Variants in TRIM66 observed in about 807,000 individuals in gnomAD.
The protein encoded by TRIM66 is tripartite motif containing 66.
TRIM66 carries 99 observed loss-of-function variants against 148.2 expected under a neutral mutation model. That is an observed-to-expected ratio of 0.67 (90% CI 0.57 to 0.79). The LOEUF (loss-of-function observed/expected upper bound fraction) is 0.79. Among genes scored for constraint, TRIM66 ranks in the 30% least tolerant of loss-of-function variants. The pLI is 0.00. For missense variants in TRIM66, 1,666 were observed against 1,697.9 expected (o/e 0.98, Z 0.33); for synonymous variants, 616 against 635.9 (o/e 0.97, Z 0.47).
intron 17 of TRIM66, among the ~76,000 whole-genome samples, 194 bp from the exon 18 acceptor site, chr11:8,623,070 C>T (rs2141861189): frequency 6.6e-6 from 1 of 152,300 alleles, no homozygotes; most frequent in Middle Eastern, 3.4e-3. Context: ...GGAGGAAGCC[C>T]ACCTTCTTTT....
At chr11:8,648,387 G>C (rs774571054) in intron 9 of TRIM66, 29 bp downstream of exon 9, 33 of 1,549,482 alleles carry the variant, frequency 2.1e-5, no homozygotes, top group Non-Finnish European at 2.0e-5. Flanking sequence ...GCCCTCCCCA[G>C]CCCATTTCAG....
intron 15 of TRIM66, among the ~76,000 whole-genome samples, chr11:8,635,420 T>C (rs1565503168): frequency 6.6e-6 from 1 of 152,320 alleles, no homozygotes; most frequent in Middle Eastern, 3.4e-3. Flanking sequence ...TTTGCTATCC[T>C]TGAGCTTCAC....
intron 10 of TRIM66, among the ~76,000 whole-genome samples, chr11:8,647,056 T>C (rs1374149588): frequency 6.9e-6 from 1 of 145,398 alleles, no homozygotes; most frequent in East Asian, 2.0e-4. Flanking sequence ...TAATAAACAA[T>C]AATAAACATA....
intron 1 of TRIM66, chr11:8,681,034 C>T (rs2039390594): frequency 6.6e-6 from 1 of 152,090 alleles, no homozygotes; most frequent in South Asian, 2.1e-4. Context: ...TGAGCTAGAC[C>T]GCAGTGAACA....
In TRIM66 at chr11:8,638,716, G is replaced by A. The variant is rs528831245; in HGVS notation, c.2248C>T (p.Pro750Ser). Residue 750 changes from proline to serine, a missense_variant, in exon 15 of 25, where the codon CCT becomes TCT. This residue lies in a region of TRIM66 where 1,431 missense variants were observed against 1,412.4 expected (regional missense o/e 1.01). Coordinates refer to ENST00000646038, the MANE Select transcript of TRIM66 (RefSeq NM_001388022.1). ...CTGTCCACTGGGGGGACACTGAGAGGGGTTTCTTCCCCAGACGCCTGGGGC... is the reference window on the plus strand; with the variant it reads ...CTGTCCACTGGGGGGACACTGAGAGAGGTTTCTTCCCCAGACGCCTGGGGC... ...ALPQASGEET[P>S]LSVPPVDSTI... 717 of 1,549,656 alleles carry A rather than the reference G, an allele frequency of 4.6e-4. 8 individuals carry two copies. In the South Asian group the frequency reaches 8.1e-3, roughly 18 times the overall value.
intron 8 of TRIM66, among the ~76,000 whole-genome samples, chr11:8,649,006 A>C (rs1266915655): frequency 6.6e-6 from 1 of 152,196 alleles, no homozygotes; most frequent in Non-Finnish European, 1.5e-5. Flanking sequence ...CCCACAATTC[A>C]AGGGCCTTGA....
intron 18 of TRIM66, among the ~76,000 whole-genome samples, chr11:8,622,365 C>CACACATATATAT: frequency 1.7e-5 from 1 of 59,612 alleles, no homozygotes; most frequent in Non-Finnish European, 3.9e-5. Context: ...CACACACACA[C>CACACATATATAT]ATATATATAT....
chr11:8,629,736 G>C (rs1179496393), intron 15 of TRIM66, among the ~76,000 whole-genome samples: 1 of 152,134 alleles, frequency 6.6e-6, no homozygotes, highest in Non-Finnish European at 1.5e-5. Context: ...GACAATACGA[G>C]GTCAGCAATA....
chr11:8,620,332 G>A, intron 21 of TRIM66, 114 bp downstream of exon 21: 1 of 1,475,986 alleles, frequency 6.8e-7, no homozygotes. Flanking sequence ...TCAGGCATAG[G>A]ACGAAGAAAT....
chr11:8,654,855 TTTTG>T (rs545574568), intron 6 of TRIM66, among the ~76,000 whole-genome samples: 12 of 152,174 alleles, frequency 7.9e-5, no homozygotes, highest in African/African-American at 2.4e-4. Context: ...TCTGTTTTGT[TTTTG>T]TTTGTTTTTG....
intron 13 of TRIM66, among the ~76,000 whole-genome samples, 168 bp downstream of exon 13, chr11:8,642,841 C>T (rs1480751330): frequency 1.0e-5 from 1 of 98,126 alleles, no homozygotes; most frequent in Non-Finnish European, 2.1e-5. Flanking sequence ...CCTCTTCCCC[C>T]TCAAAAAAAA....
chr11:8,655,869 T>G (rs1364155417), intron 6 of TRIM66, among the ~76,000 whole-genome samples: 5 of 152,220 alleles, frequency 3.3e-5, no homozygotes, highest in African/African-American at 1.2e-4. Flanking sequence ...AATGGCACCC[T>G]GGCTATCAGC....
intron 15 of TRIM66, among the ~76,000 whole-genome samples, chr11:8,627,798 C>G (rs2034995785): frequency 6.6e-6 from 1 of 152,158 alleles, no homozygotes; most frequent in Non-Finnish European, 1.5e-5. Flanking sequence ...TCTGTGCACA[C>G]AAATCATGTG....
intron 24 of TRIM66, among the ~76,000 whole-genome samples, 189 bp from the exon 25 acceptor site, chr11:8,618,192 G>T (rs2033855575): frequency 6.6e-6 from 1 of 152,190 alleles, no homozygotes; most frequent in South Asian, 2.1e-4. Context: ...GGGATGGCTG[G>T]CCAGACCCTG....
Position 8,648,469 on chromosome 11 carries a change from T to C in TRIM66, c.672A>G (p.Thr224=). Residue 224 remains threonine (T), a synonymous_variant, in exon 9 of 25, where the codon ACA becomes ACG. Coordinates refer to ENST00000646038, the MANE Select transcript of TRIM66 (RefSeq NM_001388022.1). ...TQEVLKLFCE[T]CDMLTCHSCL... is the part of the protein sequence containing the mutation. Reference sequence around the variant, plus strand: ...AGCTATGGCAAGTGAGCATATCACATGTCTCACAGAATAGCTTGAGTACTT... The same window carrying C: ...AGCTATGGCAAGTGAGCATATCACACGTCTCACAGAATAGCTTGAGTACTT... 1 of 1,551,756 alleles carries C rather than the reference T, an allele frequency of 6.4e-7. No individual in the cohort carries two copies.
At chr11:8,647,335 A>G (rs2036955090) in intron 10 of TRIM66, among the ~76,000 whole-genome samples, 1 of 152,204 alleles carries the variant, frequency 6.6e-6, no homozygotes. Flanking sequence ...CAGACCTACC[A>G]TCTAAACCCA....
intron 4 of TRIM66, among the ~76,000 whole-genome samples, chr11:8,673,001 G>A (rs535876904): frequency 2.1e-5 from 3 of 145,588 alleles, no homozygotes; most frequent in East Asian, 2.1e-4. Flanking sequence ...GTGCAGTGGC[G>A]CGATCTCTGC....
At chr11:8,618,666 C>A in intron 24 of TRIM66, 84 bp downstream of exon 24, 2 of 1,292,460 alleles carry the variant, frequency 1.5e-6, no homozygotes, top group South Asian at 1.4e-5. Context: ...ACCACCCGAA[C>A]AGCTTCACCT....
intron 15 of TRIM66, among the ~76,000 whole-genome samples, chr11:8,632,671 T>C (rs987330234): frequency 3.3e-5 from 5 of 152,112 alleles, no homozygotes; most frequent in African/African-American, 1.2e-4. Flanking sequence ...TTGGCCAGGC[T>C]GCTGGTCTTG....
Sources: gnomAD v4.1 joint callset for allele counts (sites outside exome capture counted in the v4.1 genomes callset) on GRCh38, gnomAD v4.1.1 for gene constraint, gnomAD v4.1.1 regional missense constraint, MANE v1.5 for transcripts, NCBI Gene and HGNC (gene_info 2026-07-23, HGNC 2026-07-21) for gene names.